Variants in PNPLA1 observed in about 807,000 individuals in gnomAD.
PNPLA1 encodes patatin like domain 1, omega-hydroxyceramide transacylase.
Under a neutral mutation model 51.7 loss-of-function variants are expected in PNPLA1, and 36 were observed. That is an observed-to-expected ratio of 0.70 (90% CI 0.53 to 0.92). PNPLA1 has a LOEUF of 0.92. Ranked by LOEUF, PNPLA1 falls within the 40% of genes least tolerant of loss-of-function variation. The pLI, the probability that PNPLA1 is intolerant of heterozygous loss-of-function variation, is 0.00. For synonymous variants in PNPLA1, 293 were observed against 280.1 expected (o/e 1.05, Z -0.46); for missense variants, 658 against 682.5 (o/e 0.96, Z 0.40).
intron 1 of PNPLA1, among the ~76,000 whole-genome samples, chr6:36,249,570 C>T (rs1769377808): frequency 6.6e-6 from 1 of 152,132 alleles, no homozygotes; most frequent in Non-Finnish European, 1.5e-5. Context: ...CTGGCTCTGA[C>T]TTAGGGTTGT....
intron 4 of PNPLA1, 61 bp from the exon 5 acceptor site, chr6:36,295,303 G>C (rs1168717228): frequency 4.5e-5 from 70 of 1,570,414 alleles, no homozygotes; most frequent in Non-Finnish European, 6.0e-5. Flanking sequence ...CTGGGTCGGG[G>C]GAACTGTGGC....
intron 1 of PNPLA1, among the ~76,000 whole-genome samples, chr6:36,252,616 C>T (rs2127312423): frequency 6.6e-6 from 1 of 151,900 alleles, no homozygotes; most frequent in Middle Eastern, 3.4e-3. Context: ...ATGAAGACAC[C>T]CACTCCACAA....
Position 36,307,681 on chromosome 6 carries a change from T to C in PNPLA1, c.1564T>C (p.Ser522Pro), listed in dbSNP as rs4713956. 0.64 allele frequency: 1,034,430 copies of C among 1,613,324 alleles called. 333,542 individuals carry two copies. The highest frequency in any genetic ancestry group is 0.73 in the African/African-American group (54,407 of 74,872). ...SGTRKGFPRHSGSKKPSSKVQ... is the reference protein window; with the variant it reads ...SGTRKGFPRHPGSKKPSSKVQ... ...CACCAGAAAAGGCTTCCCAAGACAT[T>C]CGGGATCCAAAAAACCAAGCAGCAA... Residue 522 changes from serine to proline, a missense_variant, in exon 8 of 9, where the codon TCG becomes CCG. By Grantham distance (74) the Ser-to-Pro change is moderately conservative (BLOSUM62 -1). Coordinates refer to ENST00000636260, the MANE Select transcript of PNPLA1 (RefSeq NM_001374623.1).
chr6:36,312,869 G>A lies in PNPLA1; in HGVS notation c.*983G>A, dbSNP rs1771437199. The stretch of plus-strand genomic sequence containing the variant: ...TGGCCTGAGCTTGCTTCTTTGAGAT[G>A]AGCCAGATCATTTCTAGTCTCCCCA... On this transcript the variant is annotated 3_prime_UTR_variant, in exon 9 of 9. Transcript: ENST00000636260. Among the ~76,000 whole-genome samples, 1 of 152,164 alleles carries A rather than the reference G, an allele frequency of 6.6e-6. No individual in the cohort carries two copies. The highest frequency in any genetic ancestry group is 2.4e-5 in the African/African-American group (1 of 41,436).
intron 1 of PNPLA1, among the ~76,000 whole-genome samples, chr6:36,287,077 C>T (rs6457895): frequency 0.54 from 81,480 of 152,010 alleles, 22,033 homozygotes; most frequent in Middle Eastern, 0.67. Flanking sequence ...TGTTAACTCT[C>T]GCTGTCTATC....
rs879790800 is a variant in PNPLA1 at position 36,287,789 on chromosome 6, CA to C, written c.206-3530del. Among the ~76,000 whole-genome samples, 297 of 128,290 alleles carry C rather than the reference CA, an allele frequency of 2.3e-3. 4 individuals are homozygous for C. The highest frequency in any genetic ancestry group is 0.022 in the East Asian group (88 of 3,990). The allele number at this position is 128,290 out of a possible 152,430, so 84.2% of individuals were successfully genotyped here. A position where few individuals can be genotyped will look rare whatever the true frequency, so the allele number is the denominator to read the frequency against. On this transcript the variant is annotated intron_variant, in intron 1 of 8. Transcript: ENST00000636260. ...ACACACACACACACACACACACACA[CA>C]CACACCCCTGGAGAGAAGTAAGAAG...
chr6:36,293,206 G>T, intron 3 of PNPLA1, 80 bp downstream of exon 3: 1 of 1,413,162 alleles, frequency 7.1e-7, no homozygotes, highest in South Asian at 1.2e-5. Context: ...GGGGGAGCAG[G>T]GGGGTGGTCT....
chr6:36,262,072 G>C (rs1407296785), intron 1 of PNPLA1, among the ~76,000 whole-genome samples: 2 of 152,176 alleles, frequency 1.3e-5, no homozygotes. Flanking sequence ...CCACTGGGGA[G>C]GGGGTGCAGA....
At chr6:36,305,961 G>A (rs1199391669) in intron 6 of PNPLA1, among the ~76,000 whole-genome samples, 2 of 152,006 alleles carry the variant, frequency 1.3e-5, no homozygotes, top group Non-Finnish European at 2.9e-5. Flanking sequence ...CACCATGTTG[G>A]CCAGACTGGT....
Position 36,291,450 on chromosome 6 carries a change from C to A in PNPLA1, c.336C>A (p.Ser112=). The A allele has an allele frequency of 6.2e-7, 1 of 1,614,058 alleles. No homozygotes were observed. Among genetic ancestry groups the A allele is most frequent in the Non-Finnish European group, 8.5e-7 (1 of 1,179,992 alleles). The change falls in exon 2 of 9, where the codon TCC becomes TCA. Residue 112 remains serine (S), a synonymous_variant. Coordinates refer to ENST00000636260, the MANE Select transcript of PNPLA1 (RefSeq NM_001374623.1). The part of the protein sequence containing the change: ...QFLYRVLPED[S]YKVTTGKLHV... ...TGTACCGGGTCCTGCCCGAGGACTC[C>A]TACAAGGTCACCACGGGGAAGCTCC... is the stretch of plus-strand genomic sequence containing the variant.
intron 8 of PNPLA1, among the ~76,000 whole-genome samples, chr6:36,310,276 T>A (rs1450613878): frequency 6.6e-6 from 1 of 152,198 alleles, no homozygotes; most frequent in Non-Finnish European, 1.5e-5. Context: ...GCTCTTCTCC[T>A]GGAGCTTGGG....
At chr6:36,275,975 T>G (rs557595992) in intron 1 of PNPLA1, among the ~76,000 whole-genome samples, 1 of 150,868 alleles carries the variant, frequency 6.6e-6, no homozygotes, top group South Asian at 2.1e-4. Context: ...TTTCTTTCTT[T>G]TGAGACAGAG....
chr6:36,286,172 C>T (rs191838334), intron 1 of PNPLA1, among the ~76,000 whole-genome samples: 1 of 152,210 alleles, frequency 6.6e-6, no homozygotes, highest in Non-Finnish European at 1.5e-5. Context: ...TATTCTTATA[C>T]TAATTTTACA....
At chr6:36,276,494 A>G (rs914497327) in intron 1 of PNPLA1, among the ~76,000 whole-genome samples, 1 of 152,138 alleles carries the variant, frequency 6.6e-6, no homozygotes, top group Non-Finnish European at 1.5e-5. Context: ...TCATTAATCC[A>G]TTCATTCACC....
intron 1 of PNPLA1, among the ~76,000 whole-genome samples, chr6:36,264,428 GTGTT>G (rs1258628955): frequency 6.6e-6 from 1 of 152,174 alleles, no homozygotes. Flanking sequence ...TAAAGGCAAT[GTGTT>G]TGTTTATGTG....
chr6:36,282,027 GAGAAAGAAAGAAAGAAGGAAAGAA>G (rs1770300162), intron 1 of PNPLA1, among the ~76,000 whole-genome samples: 1 of 67,404 alleles, frequency 1.5e-5, no homozygotes, highest in Non-Finnish European at 2.8e-5. Context: ...CTGTGAAAGA[GAGAAAGAAAGAAAGAAGGAAAGAA>G]AGAAAGAAAG....
intron 1 of PNPLA1, among the ~76,000 whole-genome samples, chr6:36,286,923 C>T (rs1393216672): frequency 5.9e-5 from 9 of 151,830 alleles, no homozygotes; most frequent in African/African-American, 1.2e-4. Context: ...CGGGCTCAAG[C>T]GATCCTCCCA....
chr6:36,309,648 C>T (rs575214680), intron 8 of PNPLA1, among the ~76,000 whole-genome samples: 4 of 152,344 alleles, frequency 2.6e-5, no homozygotes, highest in African/African-American at 9.6e-5. Context: ...AACAAGACAA[C>T]ATTCATAAAC....
At position 36,302,087 on chromosome 6, in the gene PNPLA1, A is replaced by T; in HGVS notation, c.1002A>T (p.Thr334=). ...HGPPVSQPVQ[T]LEFTCESPVS... ...CGCCTGTGTCCCAACCTGTGCAGAC[A>T]CTTGAATTCACATGCGAGTCACCTG... Residue 334 remains threonine, a synonymous_variant, in exon 6 of 9, where the codon ACA becomes ACT. Coordinates refer to ENST00000636260, the MANE Select transcript of PNPLA1 (RefSeq NM_001374623.1). 6.2e-7 allele frequency: 1 copy of T among 1,614,198 alleles called. No individual in the cohort carries two copies.
Sources: allele counts gnomAD v4.1 joint callset (sites outside exome capture counted in the v4.1 genomes callset), GRCh38; gene constraint gnomAD v4.1.1; transcripts MANE v1.5; gene names NCBI Gene and HGNC (gene_info 2026-07-23, HGNC 2026-07-21).